Variants in MUC4 observed in about 807,000 individuals in gnomAD.
MUC4 encodes the protein mucin-4.
MUC4 carries 202 observed loss-of-function variants against 257.9 expected under a neutral mutation model. The observed-to-expected ratio is 0.78, with a 90% CI of 0.70 to 0.88. The LOEUF is 0.88. Among genes scored for constraint, MUC4 ranks in the 40% least tolerant of loss-of-function variants. The pLI, the probability that MUC4 is intolerant of heterozygous loss-of-function variation, is 0.00. For synonymous variants in MUC4, 2,351 were observed against 2,757.1 expected (o/e 0.85, Z 4.62); for missense variants, 5,976 against 6,513.7 (o/e 0.92, Z 2.84).
In MUC4 at chr3:195,789,711, G is replaced by A. The variant is rs1273532323; in HGVS notation, c.1869C>T (p.Ser623=). 8 of 1,613,974 alleles carry A rather than the reference G, an allele frequency of 5.0e-6. No homozygotes were observed. Among genetic ancestry groups the A allele is most frequent in the Non-Finnish European group, 6.8e-6 (8 of 1,179,848 alleles). Residue 623 remains serine, a synonymous_variant, in exon 2 of 25, where the codon TCC becomes TCT. Transcript: ENST00000463781. ...APSTNHSTIH[S]TSTSPQESPA... is the part of the protein sequence containing the mutation. ...GTGATTCCTGAGGAGAGGTGCTTGT[G>A]GAATGTATTGTTGAATGATTTGTTG...
At chr3:195,775,530 C>T (rs866321719) in intron 3 of MUC4, among the ~76,000 whole-genome samples, 4 of 94,068 alleles carry the variant, frequency 4.3e-5, no homozygotes, top group Admixed American at 9.4e-5. Flanking sequence ...CCTTCCACAC[C>T]CATACCTTCC....
intron 7 of MUC4, among the ~76,000 whole-genome samples, chr3:195,768,499 C>A (rs1722112062): frequency 6.6e-6 from 1 of 152,214 alleles, no homozygotes; most frequent in Non-Finnish European, 1.5e-5. Flanking sequence ...CTCAGGAAGT[C>A]AGGAAGGCAG....
rs1560262061 is a variant in MUC4, at chr3:195,767,586, CACCACCACCACCAT to C, written c.13530-849_13530-836del. On this transcript the variant is annotated intron_variant, in intron 7 of 24. Transcript: ENST00000463781. ...TTGCCACCACCATCACCACCACCAT[CACCACCACCACCAT>C]CATCACCATTGCCACCACCATCACC... 2.9e-3 allele frequency among the ~76,000 whole-genome samples: 342 copies of C among 118,190 alleles called. 8 individuals are homozygous for C. The highest frequency in any genetic ancestry group is 0.013 in the African/African-American group (318 of 24,942). 77.5% of individuals were successfully genotyped at this position (118,190 alleles called of 152,430 possible).
intron 10 of MUC4, 119 bp downstream of exon 10, chr3:195,764,878 A>C (rs528373058): frequency 1.4e-6 from 2 of 1,409,274 alleles, no homozygotes; most frequent in East Asian, 4.6e-5. Context: ...ACGTTACCCG[A>C]TCAGGAAGTG....
chr3:195,764,035 T>G lies in MUC4; in HGVS notation c.14044+10A>C. On this transcript the variant is annotated intron_variant, in intron 11 of 24. Coordinates refer to ENST00000463781, the MANE Select transcript of MUC4 (RefSeq NM_018406.7). ...AGAGGCTCTTCCTGGGCCTGGGCCC[T>G]GTCGCTCACCGGGCTGTGGGGGCCT... is the stretch of plus-strand genomic sequence containing the variant. 1.2e-6 allele frequency: 2 copies of G among 1,607,912 alleles called. No homozygotes were observed. The highest frequency in any genetic ancestry group is 1.7e-6 in the Non-Finnish European group (2 of 1,177,534).
chr3:195,768,940 G>C (rs1484690600), intron 7 of MUC4, 82 bp downstream of exon 7: 8 of 1,521,156 alleles, frequency 5.3e-6, no homozygotes, highest in Non-Finnish European at 7.1e-6. Context: ...CTTGCCCCAG[G>C]ATGGGAGTGT....
At chr3:195,767,879 A>ACCACCACCACCG (rs1560266125) in intron 7 of MUC4, among the ~76,000 whole-genome samples, 1 of 142,054 alleles carries the variant, frequency 7.0e-6, no homozygotes, top group Admixed American at 6.8e-5. Flanking sequence ...CACCACCATC[A>ACCACCACCACCG]CCACCATCAC....
rs1436496762 is a variant in MUC4, at chr3:195,780,465, T to A, written c.11115A>T (p.Ser3705=). The change falls in exon 2 of 25, where the codon TCA becomes TCT. Residue 3705 remains serine, a synonymous_variant. Transcript: ENST00000463781. ...TPLPVTIPSS[S]SSGHTTPLPV... ...GAAGAGGGGTGGTGTGACCTGAGGATGATGAGGAAGGGATGGTGACAGGAA... is the reference window on the plus strand; with the variant it reads ...GAAGAGGGGTGGTGTGACCTGAGGAAGATGAGGAAGGGATGGTGACAGGAA... 4 of 1,524,006 alleles carry A rather than the reference T, an allele frequency of 2.6e-6. No homozygotes were observed. Among genetic ancestry groups the A allele is most frequent in the South Asian group, 1.2e-5 (1 of 83,142 alleles). 94.4% of individuals were successfully genotyped at this position (1,524,006 alleles called of 1,614,324 possible).
chr3:195,746,912 G>C lies in MUC4; in HGVS notation c.*264C>G, dbSNP rs6768267. The C allele has an allele frequency of 1.8e-6, 1 of 569,428 alleles. No individual in the cohort carries two copies. The highest frequency in any genetic ancestry group is 3.1e-6 in the Non-Finnish European group (1 of 321,578). 35.3% of individuals were successfully genotyped at this position (569,428 alleles called of 1,614,324 possible). A position where few individuals can be genotyped will look rare whatever the true frequency, so the allele number is the denominator to read the frequency against. On this transcript the variant is annotated 3_prime_UTR_variant, in exon 25 of 25. Coordinates refer to ENST00000463781, the MANE Select transcript of MUC4 (RefSeq NM_018406.7). ...TGTGTGTGTGTGTGTGTGTGCACGC[G>C]CGCGTGCACAGGCTAGTGTCCTTCT...
intron 2 of MUC4, 42 bp downstream of exon 2, chr3:195,778,748 G>C: frequency 1.9e-6 from 3 of 1,554,828 alleles, no homozygotes; most frequent in Non-Finnish European, 1.7e-6. Context: ...TTCCGCCAAG[G>C]GGCCCACTGG....
At position 195,790,515 on chromosome 3, in the gene MUC4, T is replaced by G; in HGVS notation, c.1065A>C (p.Ser355=). 7.4e-6 allele frequency: 12 copies of G among 1,613,990 alleles called. No individual in the cohort carries two copies. The highest frequency in any genetic ancestry group is 1.0e-5 in the Non-Finnish European group (12 of 1,179,880). The change falls in exon 2 of 25, where the codon TCA becomes TCC. Residue 355 remains serine (S), a synonymous_variant. Coordinates refer to ENST00000463781, the MANE Select transcript of MUC4 (RefSeq NM_018406.7). ...TTCCACTTGGGTTGAATCCACTTGGTGAGGATAAAACAGTTGATGTTGTAA... is the reference window on the plus strand; with the variant it reads ...TTCCACTTGGGTTGAATCCACTTGGGGAGGATAAAACAGTTGATGTTGTAA... ...TPVTTSTVLS[S]PSGFNPSGTV... is the part of the protein sequence containing the mutation.
intron 7 of MUC4, among the ~76,000 whole-genome samples, chr3:195,767,760 T>A (rs952869326): frequency 3.4e-5 from 1 of 29,560 alleles, no homozygotes; most frequent in Admixed American, 3.3e-4. Flanking sequence ...ACCACCACCA[T>A]CACCACCACC....
intron 16 of MUC4, among the ~76,000 whole-genome samples, chr3:195,760,634 G>T (rs112666128): frequency 0.034 from 3,551 of 105,316 alleles, 303 homozygotes; most frequent in African/African-American, 0.14. Flanking sequence ...CCAGCGCTAG[G>T]ATGGACGGAG....
chr3:195,800,431 A>G (rs1402947956), intron 1 of MUC4, among the ~76,000 whole-genome samples: 1 of 152,220 alleles, frequency 6.6e-6, no homozygotes, highest in Non-Finnish European at 1.5e-5. Context: ...TGTGGAGGAC[A>G]TAGTTTTATT....
At position 195,780,668 on chromosome 3, in the gene MUC4, G is replaced by A. The variant is rs112530244; in HGVS notation, c.10912C>T (p.Leu3638Phe). The A allele has an allele frequency of 2.7e-6, 4 of 1,495,788 alleles. No homozygotes were observed. The highest frequency in any genetic ancestry group is 8.8e-7 in the Non-Finnish European group (1 of 1,131,196). The allele number at this position is 1,495,788 out of a possible 1,614,324, so 92.7% of individuals were successfully genotyped here. A position where few individuals can be genotyped will look rare whatever the true frequency, so the allele number is the denominator to read the frequency against. ...GTGTCACCTGTGGATACTGAGGAAA[G>A]GCTGGTGACAGGAAGAGGGGTGGCC... is the stretch of plus-strand genomic sequence containing the variant. Reference protein sequence around the residue: ...GQATPLPVTSLSSVSTGDTTP... With the variant: ...GQATPLPVTSFSSVSTGDTTP... The change falls in exon 2 of 25, where the codon CTT (leucine) becomes TTT (phenylalanine). Residue 3638 changes from leucine (L) to phenylalanine (F), a missense_variant. By Grantham distance (22) the Leu-to-Phe change is conservative (BLOSUM62 0). Transcript: ENST00000463781.
At chr3:195,752,582 C>A in intron 20 of MUC4, 136 bp from the exon 21 acceptor site, 1 of 705,938 alleles carries the variant, frequency 1.4e-6, no homozygotes, top group South Asian at 1.7e-5. Context: ...AGAAGTGGCC[C>A]TCACCCTACA....
At chr3:195,794,396 A>AAG (rs974281830) in intron 1 of MUC4, among the ~76,000 whole-genome samples, 15 of 148,352 alleles carry the variant, frequency 1.0e-4, no homozygotes, top group East Asian at 3.9e-4. Context: ...AGAGAGAAGA[A>AAG]AGAGAGAGAG....
At position 195,757,596 on chromosome 3, in the gene MUC4, AG is replaced by A. The variant is rs1717920990; in HGVS notation, c.14987-269del. Among the ~76,000 whole-genome samples, 1 of 152,146 alleles carries A rather than the reference AG, an allele frequency of 6.6e-6. No homozygotes were observed. Among genetic ancestry groups the A allele is most frequent in the Non-Finnish European group, 1.5e-5 (1 of 68,016 alleles). ...CAGTTTCCTCCTGAAGAAACCCCAA[AG>A]GGCAGCCCTGGCTGGGCTCACACCA... is the stretch of plus-strand genomic sequence containing the variant. On this transcript the variant is annotated intron_variant, in intron 17 of 24. Coordinates refer to ENST00000463781, the MANE Select transcript of MUC4 (RefSeq NM_018406.7). This position sits in a 1 kb window ranked among gnomAD's most constrained non-coding sequence, Gnocchi z 4.8.
At chr3:195,764,507 A>G (rs1719983466) in intron 10 of MUC4, among the ~76,000 whole-genome samples, 1 of 151,932 alleles carries the variant, frequency 6.6e-6, no homozygotes, top group Admixed American at 6.6e-5. Flanking sequence ...GAGGGTGGAG[A>G]GCCAAGTACT....
Sources: gnomAD v4.1 joint callset for allele counts (sites outside exome capture counted in the v4.1 genomes callset) on GRCh38, gnomAD v4.1.1 for gene constraint, Gnocchi (gnomAD v3.1) non-coding constraint, MANE v1.5 for transcripts, NCBI Gene and HGNC (gene_info 2026-07-23, HGNC 2026-07-21) for gene names.